BRD10: variants seen among roughly 807,000 people sequenced by gnomAD.
BRD10 encodes uncharacterized bromodomain-containing protein 10.
At chr9:5,913,940 G>A in the BRD10 span, 1 of 433,104 alleles carries the variant, frequency 2.3e-6, no homozygotes, top group South Asian at 1.7e-5. Context: ...ACGCCTACAG[G>A]AAGATGGCCT....
the BRD10 span, among the ~76,000 whole-genome samples, chr9:5,994,227 C>A: frequency 8.6e-5 from 13 of 151,980 alleles, no homozygotes; most frequent in African/African-American, 2.4e-4. Context: ...AAGTATCTAG[C>A]TTAGCTTATG....
At chr9:5,885,197 G>A in the BRD10 span, among the ~76,000 whole-genome samples, 2 of 152,024 alleles carry the variant, frequency 1.3e-5, no homozygotes, top group African/African-American at 2.4e-5. Flanking sequence ...GTCTCTTTAC[G>A]TCACAGCAAG....
chr9:5,898,003 T>C, the BRD10 span: 8 of 221,788 alleles, frequency 3.6e-5, no homozygotes, highest in Non-Finnish European at 6.5e-5. Context: ...TGTCATATCA[T>C]AGTGGAAGGC....
chr9:5,951,952 CCTCT>C, the BRD10 span, among the ~76,000 whole-genome samples: 26 of 151,962 alleles, frequency 1.7e-4, no homozygotes, highest in African/African-American at 4.1e-4. Context: ...TCTCTTCTTC[CCTCT>C]CTGTTTTCTC....
the BRD10 span, among the ~76,000 whole-genome samples, chr9:5,960,926 G>C: frequency 6.6e-6 from 1 of 152,142 alleles, no homozygotes; most frequent in Non-Finnish European, 1.5e-5. Context: ...ATGGTATACT[G>C]ATACGCAGGG....
At chr9:6,001,193 T>C in the BRD10 span, among the ~76,000 whole-genome samples, 1 of 152,220 alleles carries the variant, frequency 6.6e-6, no homozygotes. Context: ...CACCTTTCTA[T>C]TCCTACTGTT....
the BRD10 span, among the ~76,000 whole-genome samples, chr9:5,904,732 T>A: frequency 6.6e-6 from 1 of 151,684 alleles, no homozygotes; most frequent in South Asian, 2.1e-4. Flanking sequence ...CCCAAAGTGC[T>A]AGGATTACAG....
At chr9:5,901,655 A>T in the BRD10 span, among the ~76,000 whole-genome samples, 4 of 152,072 alleles carry the variant, frequency 2.6e-5, no homozygotes, top group Non-Finnish European at 5.9e-5. Context: ...AGTAGCTGGG[A>T]CCACAGGTGT....
the BRD10 span, among the ~76,000 whole-genome samples, chr9:5,998,434 C>T: frequency 6.6e-6 from 1 of 152,010 alleles, no homozygotes; most frequent in African/African-American, 2.4e-5. Context: ...ATTGCAAATA[C>T]TGTCAATCCT....
chr9:5,953,959 G>A, the BRD10 span: 8 of 930,006 alleles, frequency 8.6e-6, no homozygotes, highest in East Asian at 1.8e-4. Context: ...CTCGAGGAAT[G>A]ATATGAACAC....
At chr9:5,963,544 G>A in the BRD10 span, among the ~76,000 whole-genome samples, 1 of 149,844 alleles carries the variant, frequency 6.7e-6, no homozygotes, top group Admixed American at 6.7e-5. Flanking sequence ...TCACAGAATT[G>A]GAAAAAACTA....
At chr9:5,898,462 C>T in the BRD10 span, among the ~76,000 whole-genome samples, 2 of 152,182 alleles carry the variant, frequency 1.3e-5, no homozygotes, top group Non-Finnish European at 2.9e-5. Flanking sequence ...TCTTAAAAGT[C>T]CTACCTCTTA....
the BRD10 span, chr9:5,968,648 C>G: frequency 1.9e-6 from 3 of 1,613,908 alleles, no homozygotes; most frequent in South Asian, 3.3e-5. Context: ...CAGGCTATCT[C>G]TGCTACATCT....
chr9:6,007,422 C>G, the BRD10 span: 6 of 1,607,148 alleles, frequency 3.7e-6, no homozygotes, highest in African/African-American at 5.4e-5. Flanking sequence ...CGCCCCGGCC[C>G]CCGCTGCGCG....
At chr9:5,968,880 G>T in the BRD10 span, 19 of 1,613,012 alleles carry the variant, frequency 1.2e-5, 1 homozygote, top group Admixed American at 1.7e-4. Context: ...TGGATAGGCT[G>T]TCCAAGTACA....
chr9:5,998,046 T>A, the BRD10 span, among the ~76,000 whole-genome samples: 1 of 152,144 alleles, frequency 6.6e-6, no homozygotes, highest in Non-Finnish European at 1.5e-5. Flanking sequence ...AAAAATGCTA[T>A]TTTTTTGGCT....
At chr9:5,919,889 A>C in the BRD10 span, 1 of 1,613,974 alleles carries the variant, frequency 6.2e-7, no homozygotes, top group Non-Finnish European at 8.5e-7. Context: ...CAAATGAAAC[A>C]CTGAAGTGCT....
chr9:5,903,952 G>A, the BRD10 span, among the ~76,000 whole-genome samples: 1 of 151,790 alleles, frequency 6.6e-6, no homozygotes, highest in Admixed American at 6.6e-5. Flanking sequence ...CCACTTCCTG[G>A]GTTCAAGTGA....
the BRD10 span, among the ~76,000 whole-genome samples, chr9:5,994,895 A>ATTTTTCTTTCT: frequency 0.19 from 27,672 of 144,322 alleles, 2,801 homozygotes; most frequent in Middle Eastern, 0.29. Context: ...AAATGCTATC[A>ATTTTTCTTTCT]TTTTTCTTTT....
Sources: allele counts gnomAD v4.1 joint callset (sites outside exome capture counted in the v4.1 genomes callset), GRCh38; gene constraint gnomAD v4.1.1; transcripts MANE v1.5; gene names NCBI Gene and HGNC (gene_info 2026-07-23, HGNC 2026-07-21).